Variants in MARCHF1 observed in about 807,000 individuals in gnomAD.
MARCHF1 encodes the protein E3 ubiquitin-protein ligase MARCHF1.
MARCHF1 carries 40 observed loss-of-function variants against 54.2 expected under a neutral mutation model. The ratio of observed to expected loss-of-function variants is 0.74; its 90% CI spans 0.57 to 0.96. The LOEUF (loss-of-function observed/expected upper bound fraction) is 0.96. Ranked by LOEUF, MARCHF1 falls within the 40% of genes least tolerant of loss-of-function variation. The probability of loss-of-function intolerance (pLI) is 0.00; values close to 1 mark genes in which losing one functional copy is unlikely to be tolerated. For missense variants in MARCHF1, 586 were observed against 656.5 expected (o/e 0.89, Z 1.17); for synonymous variants, 236 against 236.3 (o/e 1.00, Z 0.01).
intron 2 of MARCHF1, among the ~76,000 whole-genome samples, chr4:164,076,438 T>C (rs1013536859): frequency 5.9e-5 from 9 of 152,316 alleles, no homozygotes; most frequent in South Asian, 4.1e-4. Flanking sequence ...AATATCATAT[T>C]TAATGGGCAA....
chr4:163,712,636 A>G (rs532173870), intron 4 of MARCHF1, among the ~76,000 whole-genome samples: 57 of 152,310 alleles, frequency 3.7e-4, no homozygotes, highest in Middle Eastern at 6.8e-3. Flanking sequence ...ATGTAAATAA[A>G]TGAGATGAAA....
At chr4:163,637,118 C>CAT (rs1742361090) in intron 5 of MARCHF1, among the ~76,000 whole-genome samples, 2 of 151,294 alleles carry the variant, frequency 1.3e-5, no homozygotes, top group Non-Finnish European at 3.0e-5. Context: ...AAGACTTAAG[C>CAT]GTTAGACCTA....
chr4:164,181,982 C>T (rs1284562943), intron 1 of MARCHF1, among the ~76,000 whole-genome samples: 1 of 152,072 alleles, frequency 6.6e-6, no homozygotes, highest in East Asian at 1.9e-4. Context: ...TGCATACAAC[C>T]TATAATAGAC....
Position 163,613,348 on chromosome 4 carries a change from AC to A in MARCHF1, c.207del (p.Arg69SerfsTer34), listed in dbSNP as rs779573726. Reference sequence around the variant, plus strand: ...TCCTGAGTGGATGGACAGACAGACAACCTTGACTGGCTCCTGGGAGCTGTCC... The same window carrying A: ...TCCTGAGTGGATGGACAGACAGACAACTTGACTGGCTCCTGGGAGCTGTCC... ...TTGTAPRSQS[R>X]LSVCPSTQDI... On this transcript the variant is annotated frameshift_variant, in exon 6 of 10. Transcript: ENST00000514618. LOFTEE classifies it high-confidence loss of function. The A allele has an allele frequency of 6.2e-7, 1 of 1,612,956 alleles. No individual in the cohort carries two copies. Among genetic ancestry groups the A allele is most frequent in the African/African-American group, 1.3e-5 (1 of 74,842 alleles).
rs367851879 is a variant in MARCHF1 at position 163,794,195 on chromosome 4, A to G, written c.111+59826T>C. ...GAATACTGTGATTCCAGCTAACATC[A>G]GTGTATGAGATGTGTATTTCCTTCT... On this transcript the variant is annotated intron_variant, in intron 4 of 9. Transcript: ENST00000514618. Among the ~76,000 whole-genome samples, 6 of 152,324 alleles carry G rather than the reference A, an allele frequency of 3.9e-5. No homozygotes were observed. In the East Asian group the frequency reaches 1.2e-3, roughly 29 times the overall value.
chr4:163,579,752 A>T (rs1308436709), intron 8 of MARCHF1, among the ~76,000 whole-genome samples: 1 of 152,190 alleles, frequency 6.6e-6, no homozygotes, highest in Non-Finnish European at 1.5e-5. Flanking sequence ...TTTGAGCTAT[A>T]CTACGGGAGA....
At chr4:163,959,336 A>C (rs539855548) in intron 3 of MARCHF1, among the ~76,000 whole-genome samples, 3,806 of 150,052 alleles carry the variant, frequency 0.025, 97 homozygotes, top group African/African-American at 0.06. Context: ...ACAACAAAAA[A>C]AAAAAACAAC....
At chr4:163,672,008 G>A (rs1306993129) in intron 5 of MARCHF1, among the ~76,000 whole-genome samples, 1 of 152,046 alleles carries the variant, frequency 6.6e-6, no homozygotes, top group Non-Finnish European at 1.5e-5. Context: ...CACCTATTTT[G>A]TACTGTGTAA....
At chr4:164,312,329 T>C (rs1216616829) in intron 1 of MARCHF1, among the ~76,000 whole-genome samples, 2 of 144,422 alleles carry the variant, frequency 1.4e-5, no homozygotes, top group Admixed American at 6.9e-5. Flanking sequence ...CTTTTTTTTT[T>C]TTTTTTTTTT....
intron 4 of MARCHF1, among the ~76,000 whole-genome samples, chr4:163,761,903 T>G (rs762259726): frequency 6.6e-6 from 1 of 152,222 alleles, no homozygotes; most frequent in Non-Finnish European, 1.5e-5. Flanking sequence ...TTTTTTGAGA[T>G]AAAAACACTA....
chr4:164,325,356 T>TATATATATATATATATA (rs1561003093), intron 1 of MARCHF1, among the ~76,000 whole-genome samples: 9 of 149,378 alleles, frequency 6.0e-5, no homozygotes, highest in East Asian at 3.9e-4. Flanking sequence ...TATATATATA[T>TATATATATATATATATA]TTGCACAGAC....
At chr4:164,170,172 T>C (rs1445834064) in intron 1 of MARCHF1, among the ~76,000 whole-genome samples, 1 of 152,088 alleles carries the variant, frequency 6.6e-6, no homozygotes, top group African/African-American at 2.4e-5. Context: ...AAAATTTAAA[T>C]TTTCCATAAA....
At chr4:164,263,556 C>A (rs369001762) in intron 1 of MARCHF1, among the ~76,000 whole-genome samples, 1 of 151,976 alleles carries the variant, frequency 6.6e-6, no homozygotes, top group African/African-American at 2.4e-5. Context: ...GCCACCATGT[C>A]CACCCTTATG....
chr4:164,254,496 G>A (rs1733216302), intron 1 of MARCHF1, among the ~76,000 whole-genome samples: 1 of 151,250 alleles, frequency 6.6e-6, no homozygotes. Flanking sequence ...GTATATATAT[G>A]TGTATACATA....
chr4:164,064,297 T>C (rs1187063096), intron 2 of MARCHF1, among the ~76,000 whole-genome samples: 1 of 152,238 alleles, frequency 6.6e-6, no homozygotes, highest in Admixed American at 6.5e-5. Flanking sequence ...TCCATGAACA[T>C]GGAGTGTTCT....
At position 163,737,486 on chromosome 4, in the gene MARCHF1, G is replaced by A. The variant is rs1418808105; in HGVS notation, c.112-36623C>T. ...GCGGTGTTTGGTTTTTTGTTCTTGCGACAGTTTACTGAGAATGATGGTTTC... is the reference window on the plus strand; with the variant it reads ...GCGGTGTTTGGTTTTTTGTTCTTGCAACAGTTTACTGAGAATGATGGTTTC... On this transcript the variant is annotated intron_variant, in intron 4 of 9. Coordinates refer to ENST00000514618, the MANE Select transcript of MARCHF1 (RefSeq NM_001394959.1). Among the ~76,000 whole-genome samples the A allele has an allele frequency of 1.6e-4, 13 of 83,008 alleles. 1 individual carries two copies. Among genetic ancestry groups the A allele is most frequent in the East Asian group, 6.7e-4 (3 of 4,478 alleles). 54.5% of individuals were successfully genotyped at this position (83,008 alleles called of 152,430 possible). A position where few individuals can be genotyped will look rare whatever the true frequency, so the allele number is the denominator to read the frequency against.
At chr4:163,676,375 C>G (rs1447389765) in intron 5 of MARCHF1, among the ~76,000 whole-genome samples, 1 of 148,660 alleles carries the variant, frequency 6.7e-6, no homozygotes, top group African/African-American at 2.5e-5. Flanking sequence ...AAAAAAAAAT[C>G]AGAAGATTAA....
chr4:164,198,252 A>G (rs1415997916), intron 1 of MARCHF1, among the ~76,000 whole-genome samples: 1 of 152,176 alleles, frequency 6.6e-6, no homozygotes, highest in African/African-American at 2.4e-5. Flanking sequence ...ATCATCATGA[A>G]TTATGAATTT....
intron 1 of MARCHF1, among the ~76,000 whole-genome samples, chr4:164,185,807 C>CA (rs1446737335): frequency 1.7e-3 from 75 of 43,238 alleles, no homozygotes; most frequent in Non-Finnish European, 3.6e-3. Flanking sequence ...CACACACACA[C>CA]ACAAAAAAAA....
Sources: allele counts gnomAD v4.1 joint callset (sites outside exome capture counted in the v4.1 genomes callset), GRCh38; gene constraint gnomAD v4.1.1; transcripts MANE v1.5; gene names NCBI Gene and HGNC (gene_info 2026-07-23, HGNC 2026-07-21).